KAT14: variants seen among roughly 807,000 people sequenced by gnomAD.
KAT14 encodes the protein lysine acetyltransferase 14.
KAT14 carries 66 observed loss-of-function variants against 78.4 expected under a neutral mutation model. The observed-to-expected ratio is 0.84, with a 90% CI of 0.69 to 1.03. The LOEUF (loss-of-function observed/expected upper bound fraction) is 1.03, where lower values mean the gene tolerates loss of function less well. Among genes scored for constraint, KAT14 ranks in the 50% least tolerant of loss-of-function variants. KAT14 has a pLI of 0.00. For missense variants in KAT14, 870 were observed against 972.5 expected (o/e 0.89, Z 1.40); for synonymous variants, 344 against 359.4 (o/e 0.96, Z 0.48).
intron 2 of KAT14, among the ~76,000 whole-genome samples, chr20:18,144,411 T>C (rs908643721): frequency 4.3e-4 from 66 of 152,316 alleles, no homozygotes; most frequent in African/African-American, 1.3e-3. Context: ...GGTGAACTTA[T>C]TCTTCACAAA....
At chr20:18,177,738 G>A (rs757575751) in intron 7 of KAT14, among the ~76,000 whole-genome samples, 1 of 152,060 alleles carries the variant, frequency 6.6e-6, no homozygotes, top group Non-Finnish European at 1.5e-5. Flanking sequence ...CCAACCCTTC[G>A]CAAACAACTT....
intron 4 of KAT14, among the ~76,000 whole-genome samples, chr20:18,155,033 C>A (rs1276125135): frequency 3.3e-5 from 5 of 152,120 alleles, no homozygotes; most frequent in Non-Finnish European, 2.9e-5. Flanking sequence ...GGTTAGCACA[C>A]CCCACCATGC....
chr20:18,141,980 T>C (rs925915110), intron 1 of KAT14, among the ~76,000 whole-genome samples: 2 of 152,232 alleles, frequency 1.3e-5, no homozygotes, highest in African/African-American at 4.8e-5. Flanking sequence ...AGGAATTTCT[T>C]AAAATATGAT....
intron 7 of KAT14, among the ~76,000 whole-genome samples, chr20:18,165,757 C>T (rs887169095): frequency 6.6e-6 from 1 of 152,176 alleles, no homozygotes; most frequent in Admixed American, 6.5e-5. Flanking sequence ...TCAGCCAGGG[C>T]TGTGATGTAT....
chr20:18,168,732 T>C (rs1423615393), intron 7 of KAT14, among the ~76,000 whole-genome samples: 2 of 152,166 alleles, frequency 1.3e-5, no homozygotes, highest in Non-Finnish European at 2.9e-5. Flanking sequence ...AGAAATTGTG[T>C]TTGTTCTCAT....
intron 7 of KAT14, among the ~76,000 whole-genome samples, chr20:18,171,819 C>A (rs956110806): frequency 1.3e-5 from 2 of 152,022 alleles, no homozygotes; most frequent in Admixed American, 6.6e-5. Context: ...CTCAAAAAAA[C>A]CAATATCTTT....
intron 4 of KAT14, among the ~76,000 whole-genome samples, chr20:18,155,973 T>C (rs991382629): frequency 4.6e-5 from 7 of 152,210 alleles, no homozygotes; most frequent in Non-Finnish European, 1.0e-4. Flanking sequence ...ATAACTGAGA[T>C]GTGGAAGCAA....
rs2039488126 is a variant in KAT14 at position 18,187,520 on chromosome 20, T to TCCAC, written c.*61_*62insCCAC. The TCCAC allele has an allele frequency of 6.3e-7, 1 of 1,598,964 alleles. No individual in the cohort carries two copies. Among genetic ancestry groups the TCCAC allele is most frequent in the Non-Finnish European group, 8.5e-7 (1 of 1,175,648 alleles). On this transcript the variant is annotated 3_prime_UTR_variant, in exon 11 of 11. Transcript: ENST00000688188. Reference sequence around the variant, plus strand: ...TGGAGAACAGGTCTTTGTGGAGATCTAAAGGCAGTGATTGATTTCACAGGG... The same window carrying TCCAC: ...TGGAGAACAGGTCTTTGTGGAGATCTCCACAAAGGCAGTGATTGATTTCACAGGG...
intron 1 of KAT14, among the ~76,000 whole-genome samples, chr20:18,139,171 G>A (rs2037423905): frequency 6.6e-6 from 1 of 152,150 alleles, no homozygotes; most frequent in African/African-American, 2.4e-5. Context: ...TTTGACGAGG[G>A]GTTGAGATGA....
chr20:18,138,260 C>G (rs991191560), intron 1 of KAT14: 156 of 1,233,272 alleles, frequency 1.3e-4, no homozygotes, highest in Non-Finnish European at 1.6e-4. Context: ...GTGTGCAGCC[C>G]GCAGATTCAG....
chr20:18,174,670 T>C (rs530494964), intron 7 of KAT14, among the ~76,000 whole-genome samples: 149 of 43,892 alleles, frequency 3.4e-3, no homozygotes, highest in Non-Finnish European at 6.6e-3. Context: ...TTTTTTTTTA[T>C]TTTTTTTTTT....
chr20:18,184,595 T>C lies in KAT14; in HGVS notation c.1982-7T>C, dbSNP rs770130395. The C allele has an allele frequency of 6.3e-7, 1 of 1,597,880 alleles. No homozygotes were observed. The highest frequency in any genetic ancestry group is 8.5e-7 in the Non-Finnish European group (1 of 1,176,400). ...GGTTTGAGTCTCCGATGGTTTCTTT[T>C]CTTTAGGCATTGACCTGTCTGAGTG... On this transcript the variant is annotated splice_region_variant and splice_polypyrimidine_tract_variant and intron_variant, in intron 9 of 10. Coordinates refer to ENST00000688188, the MANE Select transcript of KAT14 (RefSeq NM_001392073.1).
At chr20:18,183,545 T>A in intron 9 of KAT14, 1 of 984,938 alleles carries the variant, frequency 1.0e-6, no homozygotes, top group Non-Finnish European at 1.2e-6. Flanking sequence ...AGTAAAAGAT[T>A]CATCCTGTTT....
rs1403885511 is a variant in KAT14 at position 18,142,253 on chromosome 20, A to C, written c.-408A>C. The C allele has an allele frequency of 6.5e-7, 1 of 1,537,188 alleles. No homozygotes were observed. The highest frequency in any genetic ancestry group is 2.4e-5 in the East Asian group (1 of 40,896). ...CAGAGACATTGAGAGGCAAATTCGG[A>C]AAAAAGAAAACATTCGTCTTTTGGG... On this transcript the variant is annotated 5_prime_UTR_variant, in exon 2 of 11. Transcript: ENST00000688188.
chr20:18,172,087 A>G (rs998180451), intron 7 of KAT14, among the ~76,000 whole-genome samples: 3 of 152,132 alleles, frequency 2.0e-5, no homozygotes, highest in African/African-American at 7.2e-5. Flanking sequence ...TGCACACAAC[A>G]ACAATATAGT....
At chr20:18,163,068 AGT>A (rs2038507976) in intron 7 of KAT14, 123 bp downstream of exon 7, 3 of 1,304,590 alleles carry the variant, frequency 2.3e-6, no homozygotes, top group East Asian at 2.5e-5. Context: ...GGAAGAGAAA[AGT>A]AAAGTGCAAG....
At chr20:18,142,962 G>T (rs371840270) in intron 2 of KAT14, 43 bp downstream of exon 2, 187 of 1,596,994 alleles carry the variant, frequency 1.2e-4, no homozygotes, top group Non-Finnish European at 1.6e-4. Context: ...ATTCCTGTGT[G>T]AAGGTTTGTT....
chr20:18,162,137 T>A lies in KAT14; in HGVS notation c.997T>A (p.Phe333Ile), dbSNP rs745932752. ...CCCATCTCCTTCTCCTTCTCTGGAT[T>A]TCTCTGCCCCTGGTACACCTGCCTC... ...TSPSPSPSLD[F>I]SAPGTPASHS... Residue 333 changes from phenylalanine to isoleucine, a missense_variant, in exon 6 of 11, where the codon TTC (phenylalanine) becomes ATC (isoleucine). Phe to Ile is a conservative substitution (Grantham distance 21). Coordinates refer to ENST00000688188, the MANE Select transcript of KAT14 (RefSeq NM_001392073.1). 1.2e-6 allele frequency: 2 copies of A among 1,614,240 alleles called. No homozygotes were observed. The highest frequency in any genetic ancestry group is 4.5e-5 in the East Asian group (2 of 44,882).
intron 3 of KAT14, among the ~76,000 whole-genome samples, chr20:18,148,759 G>A (rs1488175713): frequency 2.0e-5 from 3 of 151,982 alleles, no homozygotes; most frequent in Non-Finnish European, 4.4e-5. Context: ...ACAGGCGTGC[G>A]CCACCATGCC....
Sources: allele counts gnomAD v4.1 joint callset (sites outside exome capture counted in the v4.1 genomes callset), GRCh38; gene constraint gnomAD v4.1.1; transcripts MANE v1.5; gene names NCBI Gene and HGNC (gene_info 2026-07-23, HGNC 2026-07-21).